The following DTD2 variants were observed in gnomAD, a reference collection of about 807,000 sequenced individuals.
The protein encoded by DTD2 is D-aminoacyl-tRNA deacylase 2, also known as D-tyrosyl-tRNA deacylase 2 (putative).
In DTD2, 12 loss-of-function variants were observed where a neutral mutation model predicts 15.5. That is an observed-to-expected ratio of 0.77 (90% CI 0.50 to 1.25). The LOEUF is 1.25. Among genes scored for constraint, DTD2 ranks in the 50% most tolerant of loss-of-function variants. DTD2 has a pLI of 0.00. For missense variants in DTD2, 170 were observed against 201.1 expected, an observed-to-expected ratio of 0.85 and a Z score of 0.93; for synonymous variants, 59 against 77.3, an observed-to-expected ratio of 0.76 and a Z score of 1.24.
In DTD2 at chr14:31,448,201, A is replaced by G; in HGVS notation, c.435T>C (p.His145=). ...ACACCTGCCTGTTCCCATAAGTGCC[A>G]TGTTCCACTACAACCCTAGCTTCAG... is the stretch of plus-strand genomic sequence containing the variant. ...KCAEARVVVE[H]GTYGNRQVLK... is the part of the protein sequence containing the mutation. Residue 145 remains histidine, a synonymous_variant, in exon 3 of 3, where the codon CAT becomes CAC. Coordinates refer to ENST00000310850, the MANE Select transcript of DTD2 (RefSeq NM_080664.3). The G allele has an allele frequency of 6.2e-7, 1 of 1,614,168 alleles. No individual in the cohort carries two copies. The highest frequency in any genetic ancestry group is 8.5e-7 in the Non-Finnish European group (1 of 1,180,020).
chr14:31,447,929 C>A lies in DTD2; in HGVS notation c.*200G>T. The A allele has an allele frequency of 1.9e-6, 1 of 539,970 alleles. No homozygotes were observed. The highest frequency in any genetic ancestry group is 3.6e-5 in the Admixed American group (1 of 28,066). The allele number at this position is 539,970 out of a possible 1,614,324, so 33.4% of individuals were successfully genotyped here. A position where few individuals can be genotyped will look rare whatever the true frequency, so the allele number is the denominator to read the frequency against. On this transcript the variant is annotated 3_prime_UTR_variant, in exon 3 of 3. Transcript: ENST00000310850. The stretch of plus-strand genomic sequence containing the variant: ...AGTAGAAGGGTAGAGGAATGTAGGA[C>A]AAAAGGTGACTGAGATCCAGAGTTT...
At chr14:31,454,504 C>T (rs568437987) in intron 1 of DTD2, among the ~76,000 whole-genome samples, 14 of 152,306 alleles carry the variant, frequency 9.2e-5, no homozygotes, top group Admixed American at 7.8e-4. Context: ...TGCATACCCA[C>T]GAGAAGCTGG....
At chr14:31,457,185 T>A (rs2032105099) in intron 1 of DTD2, 98 bp downstream of exon 1, 2 of 1,161,650 alleles carry the variant, frequency 1.7e-6, no homozygotes, top group Non-Finnish European at 2.4e-6. Flanking sequence ...GGACCGCCGG[T>A]CTCAGAGGGA....
intron 1 of DTD2, 90 bp from the exon 2 acceptor site, chr14:31,453,434 TATAGAC>T (rs1253804952): frequency 1.8e-6 from 2 of 1,090,440 alleles, no homozygotes; most frequent in Non-Finnish European, 2.7e-6. Flanking sequence ...CTATTAATAT[TATAGAC>T]ATAGAGGTTA....
chr14:31,456,438 A>T (rs2032096005), intron 1 of DTD2, among the ~76,000 whole-genome samples: 1 of 151,886 alleles, frequency 6.6e-6, no homozygotes, highest in Non-Finnish European at 1.5e-5. Flanking sequence ...AAATAAATGT[A>T]AAATAATAAC....
At position 31,457,460 on chromosome 14, in the gene DTD2, C is replaced by T; in HGVS notation, c.-67G>A. The T allele has an allele frequency of 8.1e-7, 1 of 1,238,240 alleles. No homozygotes were observed. The allele number at this position is 1,238,240 out of a possible 1,614,324, so 76.7% of individuals were successfully genotyped here. On this transcript the variant is annotated 5_prime_UTR_variant, in exon 1 of 3. Transcript: ENST00000310850. ...TGTCGCTGGCCCCTCCCTCGACGCG[C>T]TGGCGGGGCAGACGAGGCGGGGCAC...
rs1276023270 is a variant in DTD2 at position 31,447,880 on chromosome 14, T to C, written c.*249A>G. The C allele has an allele frequency of 4.6e-6, 2 of 437,400 alleles. No individual in the cohort carries two copies. The highest frequency in any genetic ancestry group is 4.3e-5 in the South Asian group (1 of 23,464). The allele number at this position is 437,400 out of a possible 1,614,324, so 27.1% of individuals were successfully genotyped here. On this transcript the variant is annotated 3_prime_UTR_variant, in exon 3 of 3. Transcript: ENST00000310850. ...ATTTCCTTAATGACTATGAAGTGAA[T>C]AGACAGCATATTTCAAATTTTCAAG...
intron 2 of DTD2, among the ~76,000 whole-genome samples, chr14:31,451,294 C>CCCA (rs2032030732): frequency 6.6e-6 from 1 of 151,784 alleles, no homozygotes; most frequent in Admixed American, 6.6e-5. Flanking sequence ...ACTACAGGCG[C>CCCA]CCACCACCAC....
rs1268271238 is a variant in DTD2, at chr14:31,457,506, T to G, written c.-113A>C. ...GGCACGACGAAGGGCCTGCGCCGAT[T>G]GCCCAGTGGCCCCGCCCTTAGGAGG... On this transcript the variant is annotated 5_prime_UTR_variant, in exon 1 of 3. Transcript: ENST00000310850. 1 of 723,546 alleles carries G rather than the reference T, an allele frequency of 1.4e-6. No homozygotes were observed. Among genetic ancestry groups the G allele is most frequent in the Non-Finnish European group, 2.1e-6 (1 of 477,068 alleles). 44.8% of individuals were successfully genotyped at this position (723,546 alleles called of 1,614,324 possible).
intron 2 of DTD2, 61 bp downstream of exon 2, chr14:31,453,214 C>T (rs1285012551): frequency 6.6e-7 from 1 of 1,524,304 alleles, no homozygotes; most frequent in Non-Finnish European, 9.1e-7. Context: ...GTTGGGATTA[C>T]AGGTGTGAGC....
chr14:31,450,342 G>A (rs935415704), intron 2 of DTD2, among the ~76,000 whole-genome samples: 2 of 152,172 alleles, frequency 1.3e-5, no homozygotes, highest in African/African-American at 4.8e-5. Context: ...CCTAAAACAG[G>A]TTATCAATCA....
At chr14:31,448,968 A>G (rs576288404) in intron 2 of DTD2, among the ~76,000 whole-genome samples, 36 of 152,278 alleles carry the variant, frequency 2.4e-4, no homozygotes, top group Admixed American at 9.2e-4. Context: ...ATCTCTGCTC[A>G]CTGCAACCTC....
Position 31,457,403 on chromosome 14 carries a change from C to T in DTD2, c.-10G>A. On this transcript the variant is annotated 5_prime_UTR_variant, in exon 1 of 3. Coordinates refer to ENST00000310850, the MANE Select transcript of DTD2 (RefSeq NM_080664.3). ...GGCTACCCTCAGCCATGGCTTAAGC[C>T]AGCGCCGCGGCCGGACAGTTACTAG... 6.7e-7 allele frequency: 1 copy of T among 1,483,160 alleles called. No individual in the cohort carries two copies. The highest frequency in any genetic ancestry group is 9.0e-7 in the Non-Finnish European group (1 of 1,112,348). 91.9% of individuals were successfully genotyped at this position (1,483,160 alleles called of 1,614,324 possible).
At chr14:31,451,094 C>G (rs570592332) in intron 2 of DTD2, among the ~76,000 whole-genome samples, 1 of 151,190 alleles carries the variant, frequency 6.6e-6, no homozygotes, top group South Asian at 2.1e-4. Flanking sequence ...AACACTCCAG[C>G]ATTAGGATCT....
In DTD2 at chr14:31,448,266, T is replaced by G; in HGVS notation, c.370A>C (p.Thr124Pro). The G allele has an allele frequency of 6.2e-7, 1 of 1,614,110 alleles. No homozygotes were observed. Among genetic ancestry groups the G allele is most frequent in the Non-Finnish European group, 8.5e-7 (1 of 1,180,024 alleles). Reference protein sequence around the residue: ...EGFELYSQFVTLCEKEVAANS... With the variant: ...EGFELYSQFVPLCEKEVAANS... Reference sequence around the variant, plus strand: ...GCAGCTACTTCTTTTTCACATAGAGTCACAAATTGAGAGTAAAGTTCAAAC... The same window carrying G: ...GCAGCTACTTCTTTTTCACATAGAGGCACAAATTGAGAGTAAAGTTCAAAC... The change falls in exon 3 of 3, where the codon ACT becomes CCT. Residue 124 changes from threonine to proline, a missense_variant. Physicochemically the swap from Thr to Pro is conservative, Grantham distance 38 (BLOSUM62 -1). Coordinates refer to ENST00000310850, the MANE Select transcript of DTD2 (RefSeq NM_080664.3).
At chr14:31,456,064 A>C (rs1258998211) in intron 1 of DTD2, among the ~76,000 whole-genome samples, 1 of 152,216 alleles carries the variant, frequency 6.6e-6, no homozygotes, top group African/African-American at 2.4e-5. Context: ...ATTTTAGAAT[A>C]ATCACCCACA....
In DTD2 at chr14:31,447,837, A is replaced by G; in HGVS notation, c.*292T>C. On this transcript the variant is annotated 3_prime_UTR_variant, in exon 3 of 3. Coordinates refer to ENST00000310850, the MANE Select transcript of DTD2 (RefSeq NM_080664.3). Reference sequence around the variant, plus strand: ...TCCATCTCAAAAAAAAAACAAAAACAAAAAAACAATTAAGAACATTTCCTT... The same window carrying G: ...TCCATCTCAAAAAAAAAACAAAAACGAAAAAACAATTAAGAACATTTCCTT... 1 of 257,546 alleles carries G rather than the reference A, an allele frequency of 3.9e-6. No homozygotes were observed. The highest frequency in any genetic ancestry group is 7.8e-5 in the East Asian group (1 of 12,880). The allele number at this position is 257,546 out of a possible 1,614,324, so 16.0% of individuals were successfully genotyped here.
chr14:31,457,433 T>G lies in DTD2; in HGVS notation c.-40A>C, dbSNP rs780427454. On this transcript the variant is annotated 5_prime_UTR_variant, in exon 1 of 3. An upstream start codon of the reference 5' UTR is lost. Coordinates refer to ENST00000310850, the MANE Select transcript of DTD2 (RefSeq NM_080664.3). Reference sequence around the variant, plus strand: ...CCGCGGCCGGACAGTTACTAGGCCATGTGTCGCTGGCCCCTCCCTCGACGC... The same window carrying G: ...CCGCGGCCGGACAGTTACTAGGCCAGGTGTCGCTGGCCCCTCCCTCGACGC... 1.4e-5 allele frequency: 20 copies of G among 1,384,560 alleles called. No homozygotes were observed. Among genetic ancestry groups the G allele is most frequent in the Non-Finnish European group, 1.8e-5 (19 of 1,046,506 alleles). 85.8% of individuals were successfully genotyped at this position (1,384,560 alleles called of 1,614,324 possible).
intron 2 of DTD2, among the ~76,000 whole-genome samples, chr14:31,450,161 T>C (rs569778408): frequency 8.5e-5 from 13 of 152,298 alleles, no homozygotes; most frequent in African/African-American, 2.4e-4. Context: ...GCCTGAGAGG[T>C]AATGCTACAA....
Sources: allele counts gnomAD v4.1 joint callset (sites outside exome capture counted in the v4.1 genomes callset), GRCh38; gene constraint gnomAD v4.1.1; transcripts MANE v1.5; gene names NCBI Gene and HGNC (gene_info 2026-07-23, HGNC 2026-07-21).